NRXN3: variants seen among roughly 807,000 people sequenced by gnomAD.
NRXN3 encodes the protein neurexin III.
A neutral mutation model predicts 137.6 loss-of-function variants in NRXN3; 32 were observed. That is an observed-to-expected ratio of 0.23 (90% CI 0.18 to 0.31). NRXN3 has a LOEUF of 0.31. NRXN3 is among the 10% of genes least tolerant of loss of function. The pLI, the probability that NRXN3 is intolerant of heterozygous loss-of-function variation, is 1.00. For missense variants in NRXN3, 1,574 were observed against 2,062.5 expected (o/e 0.76, Z 4.59); for synonymous variants, 798 against 784.5 (o/e 1.02, Z -0.29).
At chr14:79,051,196 G>A (rs1175948099) in intron 15 of NRXN3, among the ~76,000 whole-genome samples, 2 of 150,064 alleles carry the variant, frequency 1.3e-5, no homozygotes, top group African/African-American at 4.9e-5. Context: ...TACAGGAAAT[G>A]GGGTAGAGGA....
chr14:78,711,964 C>T (rs1326561466), intron 7 of NRXN3, among the ~76,000 whole-genome samples: 2 of 152,136 alleles, frequency 1.3e-5, no homozygotes, highest in African/African-American at 4.8e-5. Context: ...GTGCCTCCTT[C>T]CCTGATAATC....
chr14:78,594,919 T>A (rs1298853293), intron 4 of NRXN3, among the ~76,000 whole-genome samples: 2 of 152,188 alleles, frequency 1.3e-5, no homozygotes, highest in African/African-American at 4.8e-5. Context: ...CTCCACATCT[T>A]TGAGTTAATA....
At chr14:78,733,467 A>T (rs552126660) in intron 8 of NRXN3, among the ~76,000 whole-genome samples, 33 of 152,322 alleles carry the variant, frequency 2.2e-4, no homozygotes, top group African/African-American at 6.0e-4. Context: ...TAAGGAAGAA[A>T]TGCGACCATC....
At chr14:78,194,653 G>C (rs1421008324) in intron 1 of NRXN3, among the ~76,000 whole-genome samples, 1 of 152,290 alleles carries the variant, frequency 6.6e-6, no homozygotes, top group East Asian at 1.9e-4. Context: ...GCTGCGGGTG[G>C]GTTAGAAGGA....
intron 18 of NRXN3, among the ~76,000 whole-genome samples, chr14:79,697,197 TGA>T (rs1359419316): frequency 3.9e-5 from 6 of 152,004 alleles, no homozygotes; most frequent in Non-Finnish European, 8.8e-5. Flanking sequence ...GTCACCTCAC[TGA>T]GTTTTTTTGG....
intron 16 of NRXN3, among the ~76,000 whole-genome samples, chr14:79,588,707 A>T (rs1475351150): frequency 6.6e-6 from 1 of 152,220 alleles, no homozygotes; most frequent in African/African-American, 2.4e-5. Context: ...ATGAACTGAG[A>T]GAGAAGACTC....
chr14:79,245,782 C>G (rs2075075899), intron 15 of NRXN3, among the ~76,000 whole-genome samples: 1 of 152,176 alleles, frequency 6.6e-6, no homozygotes, highest in Non-Finnish European at 1.5e-5. Context: ...TCTTCCTCCT[C>G]TACTAGTCTG....
chr14:79,316,471 C>T (rs1485028485), intron 15 of NRXN3, among the ~76,000 whole-genome samples: 1 of 152,170 alleles, frequency 6.6e-6, no homozygotes, highest in Non-Finnish European at 1.5e-5. Flanking sequence ...CTGAGACTGG[C>T]ATTGACCTGT....
intron 4 of NRXN3, among the ~76,000 whole-genome samples, chr14:78,460,227 T>C (rs2366098): frequency 0.98 from 148,585 of 152,354 alleles, 72,551 homozygotes; most frequent in Non-Finnish European, 1. Flanking sequence ...CATGTCCAGC[T>C]GTCTGGAAGA....
intron 15 of NRXN3, among the ~76,000 whole-genome samples, chr14:79,286,330 A>C (rs1277263367): frequency 6.6e-6 from 1 of 152,098 alleles, no homozygotes; most frequent in Non-Finnish European, 1.5e-5. Flanking sequence ...TGGTGAAAAC[A>C]AGAGAAAAAA....
intron 15 of NRXN3, among the ~76,000 whole-genome samples, chr14:79,301,843 A>G (rs1566728534): frequency 6.6e-6 from 1 of 151,870 alleles, no homozygotes; most frequent in East Asian, 1.9e-4. Context: ...GCATTTGTGG[A>G]CTTGAAGTTG....
intron 4 of NRXN3, among the ~76,000 whole-genome samples, chr14:78,568,456 A>G (rs991455860): frequency 7.8e-4 from 119 of 152,296 alleles, no homozygotes; most frequent in East Asian, 3.9e-4. Context: ...TAAGCTACCC[A>G]GTTTATGGCA....
intron 16 of NRXN3, among the ~76,000 whole-genome samples, chr14:79,570,804 G>A (rs2097593026): frequency 6.6e-6 from 1 of 152,180 alleles, no homozygotes; most frequent in South Asian, 2.1e-4. Flanking sequence ...GGCTTTCTGT[G>A]AGGGATCACT....
At chr14:79,332,453 T>C (rs545386314) in intron 15 of NRXN3, among the ~76,000 whole-genome samples, 1 of 152,340 alleles carries the variant, frequency 6.6e-6, no homozygotes, top group South Asian at 2.1e-4. Flanking sequence ...CACCTTTCTG[T>C]GTGCTGTTTC....
At position 79,416,527 on chromosome 14, in the gene NRXN3, G is replaced by A. The variant is rs555401138; in HGVS notation, c.3263-50694G>A. On this transcript the variant is annotated intron_variant, in intron 15 of 20. Transcript: ENST00000335750. ...AACGTGGCAGATGACATTTTCCTGAGAATAAAGCTCTACTTGCAACATAAA... is the reference window on the plus strand; with the variant it reads ...AACGTGGCAGATGACATTTTCCTGAAAATAAAGCTCTACTTGCAACATAAA... Among the ~76,000 whole-genome samples the A allele has an allele frequency of 5.3e-5, 8 of 152,188 alleles. No individual in the cohort carries two copies. The South Asian group carries it at 1.4e-3, about 28-fold the overall frequency.
chr14:78,346,982 G>A (rs200060638), intron 4 of NRXN3, among the ~76,000 whole-genome samples: 6 of 152,282 alleles, frequency 3.9e-5, no homozygotes, highest in African/African-American at 9.6e-5. Flanking sequence ...TGCATGGGGC[G>A]TGAGTAGTAA....
chr14:79,139,368 G>A lies in NRXN3; in HGVS notation c.3262+151227G>A, dbSNP rs567042421. 5.9e-5 allele frequency among the ~76,000 whole-genome samples: 9 copies of A among 152,254 alleles called. No individual in the cohort carries two copies. In the South Asian group the frequency reaches 1.9e-3, roughly 32 times the overall value. On this transcript the variant is annotated intron_variant, in intron 15 of 20. Coordinates refer to ENST00000335750, the MANE Select transcript of NRXN3 (RefSeq NM_001330195.2). ...CCTGTGTATCTAGGCCTGCATATAT[G>A]CATGCATGTTGTTACTTGATATATT...
chr14:79,303,014 A>G (rs1488590704), intron 15 of NRXN3, among the ~76,000 whole-genome samples: 1 of 151,892 alleles, frequency 6.6e-6, no homozygotes. Flanking sequence ...GAGGGGACAA[A>G]CATCCAAACC....
chr14:79,067,218 A>T (rs1227617417), intron 15 of NRXN3, among the ~76,000 whole-genome samples: 2 of 152,188 alleles, frequency 1.3e-5, no homozygotes, highest in African/African-American at 4.8e-5. Flanking sequence ...ATCTATTGAG[A>T]TAATCATGTG....
Sources: gnomAD v4.1 joint callset for allele counts (sites outside exome capture counted in the v4.1 genomes callset) on GRCh38, gnomAD v4.1.1 for gene constraint, MANE v1.5 for transcripts, NCBI Gene and HGNC (gene_info 2026-07-23, HGNC 2026-07-21) for gene names.